Variants in CACNA1B observed in about 807,000 individuals in gnomAD.
CACNA1B encodes the protein calcium voltage-gated channel subunit alpha1 B, also known as voltage-dependent N-type calcium channel subunit alpha-1B.
In CACNA1B, 70 loss-of-function variants were observed where a neutral mutation model predicts 247.2. The observed-to-expected ratio is 0.28, with a 90% CI of 0.23 to 0.35. CACNA1B has a LOEUF of 0.35. Ranked by LOEUF, CACNA1B falls within the 10% of genes least tolerant of loss-of-function variation. CACNA1B has a pLI of 1.00. For missense variants in CACNA1B, 2,367 were observed against 3,197.4 expected (o/e 0.74, Z 6.26); for synonymous variants, 1,231 against 1,294.4 (o/e 0.95, Z 1.05).
chr9:138,105,792 A>T lies in CACNA1B; in HGVS notation c.5413A>T (p.Ile1805Phe). ...LMALIRTALE[I>F]KLAPAGTKQH... is the part of the protein sequence containing the mutation. The stretch of plus-strand genomic sequence containing the variant: ...GGCCCTCATCCGGACGGCACTGGAG[A>T]TCAAGCTGGCCCCAGGTGAGCAAGG... Residue 1805 changes from isoleucine (I) to phenylalanine (F), a missense_variant, in exon 39 of 47, where the codon ATC (isoleucine) becomes TTC (phenylalanine). By Grantham distance (21) the Ile-to-Phe change is conservative (BLOSUM62 0). Transcript: ENST00000371372. 1 of 1,553,372 alleles carries T rather than the reference A, an allele frequency of 6.4e-7. No homozygotes were observed. Among genetic ancestry groups the T allele is most frequent in the Non-Finnish European group, 8.7e-7 (1 of 1,147,982 alleles).
intron 36 of CACNA1B, among the ~76,000 whole-genome samples, chr9:138,082,376 A>G (rs758157085): frequency 6.6e-6 from 1 of 151,406 alleles, no homozygotes; most frequent in African/African-American, 2.4e-5. Flanking sequence ...AGAGACTCCA[A>G]CACAGCCACA....
chr9:137,953,083 T>G (rs2133338998), intron 7 of CACNA1B, among the ~76,000 whole-genome samples: 1 of 152,088 alleles, frequency 6.6e-6, no homozygotes, highest in Admixed American at 6.5e-5. Context: ...TGGGATGTGG[T>G]AGGCGGGCAT....
chr9:138,050,171 C>A lies in CACNA1B; in HGVS notation c.3710+856C>A. 3.0e-6 allele frequency: 3 copies of A among 1,001,596 alleles called. No homozygotes were observed. Among genetic ancestry groups the A allele is most frequent in the Admixed American group, 2.3e-5 (1 of 43,166 alleles). 62.0% of individuals were successfully genotyped at this position (1,001,596 alleles called of 1,614,324 possible). A position where few individuals can be genotyped will look rare whatever the true frequency, so the allele number is the denominator to read the frequency against. On this transcript the variant is annotated intron_variant, in intron 24 of 46. Transcript: ENST00000371372. This position sits in a 1 kb window ranked among gnomAD's most constrained non-coding sequence, Gnocchi z 5.2. ...TTGGGTCATTTCATCTCCAGCCTCACCCCCCGCCCATCCACTTTCACCCCA... is the reference window on the plus strand; with the variant it reads ...TTGGGTCATTTCATCTCCAGCCTCAACCCCCGCCCATCCACTTTCACCCCA...
chr9:138,117,755 C>T (rs573832162), intron 42 of CACNA1B, among the ~76,000 whole-genome samples, 191 bp from the exon 43 acceptor site: 123 of 152,264 alleles, frequency 8.1e-4, no homozygotes, highest in Middle Eastern at 3.4e-3. Context: ...TTGCCTGGGT[C>T]CAGCGTGCAC....
chr9:138,000,399 A>G (rs568716060), intron 15 of CACNA1B, among the ~76,000 whole-genome samples: 50 of 152,320 alleles, frequency 3.3e-4, no homozygotes, highest in African/African-American at 8.2e-4. Context: ...TGCCTGGCCA[A>G]AACATGCATT....
At chr9:138,088,779 C>T (rs1201874574) in intron 36 of CACNA1B, among the ~76,000 whole-genome samples, 54 of 151,186 alleles carry the variant, frequency 3.6e-4, no homozygotes, top group Admixed American at 1.1e-3. Flanking sequence ...ATAGTGAAAC[C>T]CCGTCTCTAC....
At chr9:137,961,055 G>GT (rs1259551172) in intron 10 of CACNA1B, among the ~76,000 whole-genome samples, 3 of 152,120 alleles carry the variant, frequency 2.0e-5, no homozygotes, top group Non-Finnish European at 4.4e-5. Context: ...TAATGGGGTT[G>GT]TTTGTTCTCT....
At chr9:138,096,736 G>A (rs1589125933) in intron 37 of CACNA1B, 125 bp downstream of exon 37, 3 of 858,570 alleles carry the variant, frequency 3.5e-6, no homozygotes, top group African/African-American at 3.4e-5. Flanking sequence ...TGGGGCCTAG[G>A]GATCTGTCCT....
chr9:138,039,864 TGTTA>T (rs1959095578), intron 20 of CACNA1B, among the ~76,000 whole-genome samples: 1 of 152,216 alleles, frequency 6.6e-6, no homozygotes, highest in African/African-American at 2.4e-5. Context: ...AAATCAGGTT[TGTTA>T]GTTGTATTAC....
chr9:137,896,167 T>G (rs768026591), intron 3 of CACNA1B, among the ~76,000 whole-genome samples: 1 of 139,948 alleles, frequency 7.1e-6, no homozygotes, highest in Non-Finnish European at 1.5e-5. Flanking sequence ...TGAACCTGGG[T>G]GGCGGAGCTT....
At chr9:137,892,055 CCTT>C in intron 3 of CACNA1B, 1 of 457,334 alleles carries the variant, frequency 2.2e-6, no homozygotes, top group South Asian at 1.5e-5. Flanking sequence ...CACTCCCACC[CCTT>C]CTTCCCCACC....
intron 20 of CACNA1B, among the ~76,000 whole-genome samples, chr9:138,030,513 A>G (rs1958975964): frequency 6.6e-6 from 1 of 152,054 alleles, no homozygotes; most frequent in South Asian, 2.1e-4. Flanking sequence ...TTGCGTCTGT[A>G]TTCATGAGGG....
At chr9:138,056,002 G>A (rs2133499245) in intron 26 of CACNA1B, among the ~76,000 whole-genome samples, 1 of 151,982 alleles carries the variant, frequency 6.6e-6, no homozygotes, top group East Asian at 1.9e-4. Context: ...CTCCAGCCCG[G>A]GCGACAGTGT....
intron 42 of CACNA1B, among the ~76,000 whole-genome samples, chr9:138,117,345 C>A (rs1961907663): frequency 6.6e-6 from 1 of 152,048 alleles, no homozygotes; most frequent in Admixed American, 6.6e-5. Context: ...GGGAGGAAGC[C>A]CCTAGAGGAG....
Position 138,073,684 on chromosome 9 carries a change from CCTT to C in CACNA1B, c.4791+81_4791+83del. 1.2e-6 allele frequency: 1 copy of C among 838,812 alleles called. No homozygotes were observed. The highest frequency in any genetic ancestry group is 2.1e-6 in the Non-Finnish European group (1 of 484,890). The allele number at this position is 838,812 out of a possible 1,614,324, so 52.0% of individuals were successfully genotyped here. ...CCCTGCCCCCACCACAGTGGCCCCT[CCTT>C]TGGGAGGCTGGGAGAGGGTATGGCA... On this transcript the variant is annotated intron_variant, in intron 33 of 46. Transcript: ENST00000371372. This position sits in a 1 kb window ranked among gnomAD's most constrained non-coding sequence, Gnocchi z 6.4.
In CACNA1B at chr9:138,014,542, T is replaced by C. The variant is rs1958766360; in HGVS notation, c.2267+1307T>C. Reference sequence around the variant, plus strand: ...GTTTAATTTCGATCTTTCATTGTCTTGGCCAATTCGGTTATTTGGTTCATT... The same window carrying C: ...GTTTAATTTCGATCTTTCATTGTCTCGGCCAATTCGGTTATTTGGTTCATT... On this transcript the variant is annotated intron_variant, in intron 18 of 46. Transcript: ENST00000371372. This position sits in a 1 kb window ranked among gnomAD's most constrained non-coding sequence, Gnocchi z 6.2. 6.6e-6 allele frequency among the ~76,000 whole-genome samples: 1 copy of C among 152,184 alleles called. No homozygotes were observed. Among genetic ancestry groups the C allele is most frequent in the South Asian group, 2.1e-4 (1 of 4,832 alleles).
At position 138,046,868 on chromosome 9, in the gene CACNA1B, G is replaced by C. The variant is rs201628141; in HGVS notation, c.3414-36G>C. 6.1e-4 allele frequency: 980 copies of C among 1,597,268 alleles called. 4 individuals are homozygous for C. The African/African-American group carries it at 0.012, about 19-fold the overall frequency. On this transcript the variant is annotated intron_variant, in intron 21 of 46. Transcript: ENST00000371372. ...GTGGCAAGGGGTGGCGCGCCCGGCT[G>C]GGGGGCCTTGTGGTGATCCGTGCCT...
intron 15 of CACNA1B, among the ~76,000 whole-genome samples, chr9:137,987,577 G>A (rs1046690697): frequency 6.6e-6 from 1 of 152,204 alleles, no homozygotes; most frequent in Admixed American, 6.5e-5. Context: ...GGCCCAACAG[G>A]CTGTGTTTGC....
In CACNA1B at chr9:138,051,316, C is replaced by T. The variant is rs1327639002; in HGVS notation, c.3711-776C>T. Among the ~76,000 whole-genome samples the T allele has an allele frequency of 6.6e-6, 1 of 151,762 alleles. No homozygotes were observed. The highest frequency in any genetic ancestry group is 1.5e-5 in the Non-Finnish European group (1 of 67,988). On this transcript the variant is annotated intron_variant, in intron 24 of 46. Transcript: ENST00000371372. The surrounding 1 kb of genome is among the most constrained non-coding windows in gnomAD (Gnocchi z 4.3). ...TTCTTGGAGGGGCCCTGATTGAGGCCCTCTGGTTCTGTACTTCTGCTTGCT... is the reference window on the plus strand; with the variant it reads ...TTCTTGGAGGGGCCCTGATTGAGGCTCTCTGGTTCTGTACTTCTGCTTGCT...
Sources: allele counts gnomAD v4.1 joint callset (sites outside exome capture counted in the v4.1 genomes callset), GRCh38; gene constraint gnomAD v4.1.1; non-coding constraint Gnocchi (gnomAD v3.1); transcripts MANE v1.5; gene names NCBI Gene and HGNC (gene_info 2026-07-23, HGNC 2026-07-21).